PAAF1: variants seen among roughly 807,000 people sequenced by gnomAD.
The protein encoded by PAAF1 is proteasomal ATPase-associated factor 1.
Under a neutral mutation model 52.8 loss-of-function variants are expected in PAAF1, and 46 were observed. The ratio of observed to expected loss-of-function variants is 0.87; its 90% CI spans 0.69 to 1.11. The LOEUF (loss-of-function observed/expected upper bound fraction) is 1.11. PAAF1 is among the 50% of genes most tolerant of loss of function. PAAF1 has a pLI of 0.00. For synonymous variants in PAAF1, 178 were observed against 172.8 expected (o/e 1.03, Z -0.24); for missense variants, 424 against 477.4 (o/e 0.89, Z 1.04).
chr11:73,882,522 C>A (rs1338310842), intron 2 of PAAF1, among the ~76,000 whole-genome samples: 1 of 151,946 alleles, frequency 6.6e-6, no homozygotes, highest in Non-Finnish European at 1.5e-5. Flanking sequence ...TCTCCGCTCA[C>A]TGCAACCTCC....
chr11:73,892,850 C>T (rs553694669), intron 4 of PAAF1, among the ~76,000 whole-genome samples: 4 of 152,074 alleles, frequency 2.6e-5, no homozygotes, highest in African/African-American at 9.6e-5. Flanking sequence ...TTAGTAGAGA[C>T]GGGGTTTCAC....
exon 12 of PAAF1, chr11:73,931,105 TAAAAG>T (rs920002208): frequency 6.6e-6 from 1 of 152,072 alleles, no homozygotes; most frequent in African/African-American, 2.4e-5. Context: ...AAAAATCAAT[TAAAAG>T]AAAAGAGGAT....
At chr11:73,878,969 A>T in intron 2 of PAAF1, 150 bp downstream of exon 2, 1 of 522,278 alleles carries the variant, frequency 1.9e-6, no homozygotes, top group East Asian at 3.1e-5. Flanking sequence ...CCAACACCCC[A>T]ACTCCTCCAT....
intron 7 of PAAF1, among the ~76,000 whole-genome samples, chr11:73,909,890 T>C (rs1365578689): frequency 6.6e-6 from 1 of 152,180 alleles, no homozygotes; most frequent in East Asian, 1.9e-4. Context: ...ATTGGAAGAC[T>C]TGTCTTGGGC....
chr11:73,918,487 T>TG (rs1950131464), intron 9 of PAAF1, among the ~76,000 whole-genome samples: 1 of 149,052 alleles, frequency 6.7e-6, no homozygotes, highest in South Asian at 2.1e-4. Context: ...TTTTTTTTAT[T>TG]TTTTTTTGAG....
intron 2 of PAAF1, 56 bp downstream of exon 2, chr11:73,878,875 TAAAAG>T: frequency 6.6e-7 from 1 of 1,524,428 alleles, no homozygotes; most frequent in East Asian, 2.3e-5. Context: ...TTAATACCCT[TAAAAG>T]AAAGCTTCCT....
In PAAF1 at chr11:73,916,661, G is replaced by A. The variant is rs371017911; in HGVS notation, c.935+1G>A. The A allele has an allele frequency of 1.2e-6, 2 of 1,607,178 alleles. No homozygotes were observed. The highest frequency in any genetic ancestry group is 1.7e-6 in the Non-Finnish European group (2 of 1,174,298). On this transcript the variant is annotated splice_donor_variant, in intron 9 of 11. Transcript: ENST00000310571. LOFTEE classifies it high-confidence loss of function. ...ATCAGCTGGATGTGAGGAGTCCAAG[G>A]TGAGTCACCATTCATTTACATGATG...
At chr11:73,918,620 A>G (rs1017913665) in intron 9 of PAAF1, among the ~76,000 whole-genome samples, 1 of 151,614 alleles carries the variant, frequency 6.6e-6, no homozygotes, top group African/African-American at 2.4e-5. Flanking sequence ...GAGTCCTGAC[A>G]ATTTTAATAT....
Position 73,916,651 on chromosome 11 carries a change from G to C in PAAF1, c.926G>C (p.Arg309Thr). 6.2e-7 allele frequency: 1 copy of C among 1,612,668 alleles called. No individual in the cohort carries two copies. The highest frequency in any genetic ancestry group is 8.5e-7 in the Non-Finnish European group (1 of 1,178,792). The stretch of plus-strand genomic sequence containing the variant: ...GGAAACATTTATCAGCTGGATGTGA[G>C]GAGTCCAAGGTGAGTCACCATTCAT... The part of the protein sequence containing the change: ...QDGNIYQLDV[R>T]SPRAPVQVIH... Residue 309 changes from arginine (R) to threonine (T), a missense_variant, in exon 9 of 12, where the codon AGG becomes ACG. Physicochemically the swap from Arg to Thr is moderately conservative, Grantham distance 71. Coordinates refer to ENST00000310571, the MANE Select transcript of PAAF1 (RefSeq NM_025155.3).
rs765939931 is a variant in PAAF1, at chr11:73,919,035, G to T, written c.1018+3G>T. 1 of 1,611,064 alleles carries T rather than the reference G, an allele frequency of 6.2e-7. No homozygotes were observed. The highest frequency in any genetic ancestry group is 1.1e-5 in the South Asian group (1 of 90,786). Reference sequence around the variant, plus strand: ...AGATGGATTCATTGCTAGCCAAGGTGGGTCCATGGGCCAATTGAGAGAGAT... The same window carrying T: ...AGATGGATTCATTGCTAGCCAAGGTTGGTCCATGGGCCAATTGAGAGAGAT... On this transcript the variant is annotated splice_donor_region_variant and intron_variant, in intron 10 of 11. Transcript: ENST00000310571.
chr11:73,898,191 G>GGGGAGAGGGAGGGGGAGGGGAA (rs1554980055), intron 4 of PAAF1, among the ~76,000 whole-genome samples: 117 of 145,994 alleles, frequency 8.0e-4, no homozygotes, highest in African/African-American at 2.8e-3. Flanking sequence ...GGGAGACCGT[G>GGGGAGAGGGAGGGGGAGGGGAA]GGGAGAGGGA....
At position 73,931,029 on chromosome 11, in the gene PAAF1, T is replaced by C. The variant is rs1351221499; in HGVS notation, c.*3667T>C. 1 of 152,156 alleles carries C rather than the reference T, an allele frequency of 6.6e-6. No homozygotes were observed. Among genetic ancestry groups the C allele is most frequent in the Non-Finnish European group, 1.5e-5 (1 of 68,050 alleles). The allele number at this position is 152,156 out of a possible 1,614,324, so 9.4% of individuals were successfully genotyped here. ...TTCATTTAATTATTCCATATTGTAT[T>C]TATAAGTCACAATAGGACTTTGTGG... On this transcript the variant is annotated 3_prime_UTR_variant, in exon 12 of 12. Transcript: ENST00000310571.
Position 73,902,012 on chromosome 11 carries a change from C to T in PAAF1, c.532+1592C>T, listed in dbSNP as rs1471295389. On this transcript the variant is annotated intron_variant, in intron 6 of 11. Transcript: ENST00000310571. Reference sequence around the variant, plus strand: ...TCAAGTAGCTGGGATCACAGGCGTGCACCACCACATCCAACTAATTTTTGT... The same window carrying T: ...TCAAGTAGCTGGGATCACAGGCGTGTACCACCACATCCAACTAATTTTTGT... Among the ~76,000 whole-genome samples, 4 of 151,756 alleles carry T rather than the reference C, an allele frequency of 2.6e-5. No individual in the cohort carries two copies. The East Asian group carries it at 7.7e-4, about 29-fold the overall frequency.
At position 73,886,825 on chromosome 11, in the gene PAAF1, TG is replaced by T. The variant is rs541961040; in HGVS notation, c.89-523del. ...CCTCAGTGTTGGAGGTAGGGCCTAATGGGGGGTGTTTGGGTCATGGGGGCAG... is the reference window on the plus strand; with the variant it reads ...CCTCAGTGTTGGAGGTAGGGCCTAATGGGGGTGTTTGGGTCATGGGGGCAG... On this transcript the variant is annotated intron_variant, in intron 2 of 11. Coordinates refer to ENST00000310571, the MANE Select transcript of PAAF1 (RefSeq NM_025155.3). 32 of 243,414 alleles carry T rather than the reference TG, an allele frequency of 1.3e-4. No homozygotes were observed. The East Asian group carries it at 4.0e-3, about 30-fold the overall frequency. 15.1% of individuals were successfully genotyped at this position (243,414 alleles called of 1,614,324 possible). A position where few individuals can be genotyped will look rare whatever the true frequency, so the allele number is the denominator to read the frequency against.
In PAAF1 at chr11:73,877,161, G is replaced by A. The variant is rs1052500258; in HGVS notation, c.47+93G>A. 1.9e-5 allele frequency: 24 copies of A among 1,285,610 alleles called. No homozygotes were observed. In the Admixed American group the frequency reaches 5.4e-4, roughly 29 times the overall value. 79.6% of individuals were successfully genotyped at this position (1,285,610 alleles called of 1,614,324 possible). ...CATGCCTGGTCCAGGATATCAATAG[G>A]GGTTACTTCGTCAATTGTCGAGGGA... is the stretch of plus-strand genomic sequence containing the variant. On this transcript the variant is annotated intron_variant, in intron 1 of 11. Transcript: ENST00000310571.
intron 9 of PAAF1, among the ~76,000 whole-genome samples, chr11:73,916,909 C>G (rs1226481840): frequency 6.6e-6 from 1 of 151,870 alleles, no homozygotes; most frequent in Non-Finnish European, 1.5e-5. Context: ...TAAATATAAA[C>G]TAACATTTCA....
At chr11:73,914,000 T>C (rs957345339) in intron 7 of PAAF1, among the ~76,000 whole-genome samples, 18 of 152,192 alleles carry the variant, frequency 1.2e-4, no homozygotes, top group African/African-American at 3.6e-4. Flanking sequence ...TGGGGTGCTA[T>C]GTTTGTGCTT....
At chr11:73,895,424 T>C (rs1454942667) in intron 4 of PAAF1, among the ~76,000 whole-genome samples, 4 of 152,230 alleles carry the variant, frequency 2.6e-5, no homozygotes, top group African/African-American at 7.2e-5. Context: ...ACCTGAAGTA[T>C]GTTGCTTACA....
rs891042021 is a variant in PAAF1, at chr11:73,896,373, A to G, written c.283-2773A>G. 4.0e-5 allele frequency among the ~76,000 whole-genome samples: 6 copies of G among 148,502 alleles called. No individual in the cohort carries two copies. The East Asian group carries it at 9.9e-4, about 25-fold the overall frequency. ...GGGGATTTGGCAGGGTCACAGGACA[A>G]TAGTGGAGAGAAGGTCAGCAGATAA... is the stretch of plus-strand genomic sequence containing the variant. On this transcript the variant is annotated intron_variant, in intron 4 of 11. Transcript: ENST00000310571.
Sources: gnomAD v4.1 joint callset for allele counts (sites outside exome capture counted in the v4.1 genomes callset) on GRCh38, gnomAD v4.1.1 for gene constraint, MANE v1.5 for transcripts, NCBI Gene and HGNC (gene_info 2026-07-23, HGNC 2026-07-21) for gene names.